CACNA1H: variants seen among roughly 807,000 people sequenced by gnomAD.
CACNA1H encodes the protein voltage-dependent T-type calcium channel subunit alpha-1H.
CACNA1H carries 149 observed loss-of-function variants against 192.5 expected under a neutral mutation model. That is an observed-to-expected ratio of 0.77 (90% CI 0.68 to 0.89). The LOEUF (loss-of-function observed/expected upper bound fraction) is 0.89. Among genes scored for constraint, CACNA1H ranks in the 40% least tolerant of loss-of-function variants. The probability of loss-of-function intolerance (pLI) is 0.00; values close to 1 mark genes in which losing one functional copy is unlikely to be tolerated. For missense variants in CACNA1H, 4,257 were observed against 3,423.5 expected, an observed-to-expected ratio of 1.24 and a Z score of -6.08; for synonymous variants, 2,202 against 1,475.2, an observed-to-expected ratio of 1.49 and a Z score of -11.29.
Position 1,211,286 on chromosome 16 carries a change from G to C in CACNA1H, c.4342G>C (p.Gly1448Arg), listed in dbSNP as rs1969415045. ...CAFFIIFGIL[G>R]VQLFKGKFYY... ...CTTCTTCATCATTTTTGGCATTTTGGGTGTGCAGGTGTGTGGCCCCCACGT... is the reference window on the plus strand; with the variant it reads ...CTTCTTCATCATTTTTGGCATTTTGCGTGTGCAGGTGTGTGGCCCCCACGT... Residue 1448 changes from glycine (G) to arginine (R), a missense_variant, in exon 22 of 35, where the codon GGT becomes CGT. By Grantham distance (125) the Gly-to-Arg change is moderately radical. Coordinates refer to ENST00000348261, the MANE Select transcript of CACNA1H (RefSeq NM_021098.3). The C allele has an allele frequency of 1.2e-6, 2 of 1,612,796 alleles. No homozygotes were observed. The highest frequency in any genetic ancestry group is 1.7e-6 in the Non-Finnish European group (2 of 1,179,700).
intron 27 of CACNA1H, 108 bp from the exon 28 acceptor site, chr16:1,214,864 G>A (rs1969873085): frequency 1.3e-6 from 1 of 766,792 alleles, no homozygotes; most frequent in Non-Finnish European, 2.2e-6. Context: ...GCTGACCTGG[G>A]AGCCTCCAGG....
Position 1,187,405 on chromosome 16 carries a change from G to A in CACNA1H, c.300-7567G>A, listed in dbSNP as rs1030738211. Among the ~76,000 whole-genome samples, 7 of 152,350 alleles carry A rather than the reference G, an allele frequency of 4.6e-5. No individual in the cohort carries two copies. The South Asian group carries it at 6.2e-4, about 14-fold the overall frequency. The stretch of plus-strand genomic sequence containing the variant: ...TGTGCCCTGCAAGGCATGGGGTCCT[G>A]AGTGGGGGGCTGTGGCCCACCTTGC... On this transcript the variant is annotated intron_variant, in intron 2 of 34. Coordinates refer to ENST00000348261, the MANE Select transcript of CACNA1H (RefSeq NM_021098.3).
rs1567556334 is a variant in CACNA1H at position 1,218,963 on chromosome 16, GC to G, written c.5888-3del. The G allele has an allele frequency of 1.3e-6, 2 of 1,549,810 alleles. No individual in the cohort carries two copies. The highest frequency in any genetic ancestry group is 3.9e-5 in the Admixed American group (2 of 50,986). ...GAGCTGCCAGCTTAGATTCTTCCCT[GC>G]CCCAGGCTCCGTTGCCTCTGTGCAC... On this transcript the variant is annotated splice_polypyrimidine_tract_variant and splice_region_variant and intron_variant, in intron 33 of 34. Coordinates refer to ENST00000348261, the MANE Select transcript of CACNA1H (RefSeq NM_021098.3).
chr16:1,201,033 G>T (rs1319830312), intron 8 of CACNA1H, among the ~76,000 whole-genome samples: 1 of 152,132 alleles, frequency 6.6e-6, no homozygotes, highest in East Asian at 1.9e-4. Flanking sequence ...CTGGCTCAGG[G>T]CTGAAGAGCC....
chr16:1,200,937 A>G, intron 8 of CACNA1H, 129 bp downstream of exon 8: 16 of 517,828 alleles, frequency 3.1e-5, no homozygotes, highest in East Asian at 3.6e-5. Context: ...CAGGGGAGGG[A>G]GGCAGAGCTT....
chr16:1,221,394 A>T lies in CACNA1H; in HGVS notation c.*400A>T. The T allele has an allele frequency of 3.3e-6, 1 of 305,128 alleles. No individual in the cohort carries two copies. Among genetic ancestry groups the T allele is most frequent in the Non-Finnish European group, 6.0e-6 (1 of 165,338 alleles). The allele number at this position is 305,128 out of a possible 1,614,324, so 18.9% of individuals were successfully genotyped here. On this transcript the variant is annotated 3_prime_UTR_variant, in exon 35 of 35. Coordinates refer to ENST00000348261, the MANE Select transcript of CACNA1H (RefSeq NM_021098.3). The stretch of plus-strand genomic sequence containing the variant: ...GGGGCCCTGTGCCCTTGCCGGCGGC[A>T]GGTTGCAGCCACCGCGGCCCAATGT...
intron 5 of CACNA1H, 90 bp downstream of exon 5, chr16:1,196,113 A>G: frequency 9.6e-7 from 1 of 1,038,742 alleles, no homozygotes; most frequent in Non-Finnish European, 1.5e-6. Context: ...CCAGGAGCAC[A>G]GGACTGGGAA....
At chr16:1,198,849 T>A in intron 6 of CACNA1H, 75 bp downstream of exon 6, 1 of 1,415,214 alleles carries the variant, frequency 7.1e-7, no homozygotes. Flanking sequence ...ACCATGTGGC[T>A]CCACCGCCCC....
chr16:1,194,864 C>A (rs965665387), intron 2 of CACNA1H, 108 bp from the exon 3 acceptor site: 14 of 796,530 alleles, frequency 1.8e-5, no homozygotes, highest in African/African-American at 1.7e-4. Flanking sequence ...GACACCCCCA[C>A]GCGCGCACAC....
chr16:1,169,904 G>A (rs1186508044), intron 2 of CACNA1H, among the ~76,000 whole-genome samples: 1 of 152,276 alleles, frequency 6.6e-6, no homozygotes, highest in African/African-American at 2.4e-5. Flanking sequence ...TGGGAAGCTC[G>A]GGTTTGGAGC....
chr16:1,174,541 G>A (rs1165930837), intron 2 of CACNA1H, among the ~76,000 whole-genome samples: 1 of 152,036 alleles, frequency 6.6e-6, no homozygotes, highest in Non-Finnish European at 1.5e-5. Flanking sequence ...GGAAGGATGG[G>A]GTCACTGTAG....
rs1415182945 is a variant in CACNA1H, at chr16:1,217,914, C to A, written c.5324-5C>A. The A allele has an allele frequency of 3.1e-6, 5 of 1,598,376 alleles. No individual in the cohort carries two copies. The highest frequency in any genetic ancestry group is 2.3e-5 in the South Asian group (2 of 88,654). ...GCTGACCGGGCGGGGTCTCCCTCCC[C>A]GCAGAGTGCAGTGAAGACAACCCCT... On this transcript the variant is annotated splice_region_variant and splice_polypyrimidine_tract_variant and intron_variant, in intron 31 of 34. Transcript: ENST00000348261.
chr16:1,171,606 C>T (rs1964375300), intron 2 of CACNA1H, among the ~76,000 whole-genome samples: 1 of 152,336 alleles, frequency 6.6e-6, no homozygotes, highest in African/African-American at 2.4e-5. Context: ...CGGCTTTTGT[C>T]CCTCGGAGCT....
intron 2 of CACNA1H, among the ~76,000 whole-genome samples, chr16:1,177,525 C>T (rs570632329): frequency 5.0e-4 from 76 of 152,242 alleles, no homozygotes; most frequent in Admixed American, 2.4e-3. Flanking sequence ...GAGAGTGGAA[C>T]GAGCTCCAAG....
rs77338319 is a variant in CACNA1H at position 1,203,328 on chromosome 16, C to G, written c.2003-682C>G. ...TGGAGTAACCATGGTTTGCTCGCAT[C>G]GAGTCAAACAGAATCCCGTAGCTAA... On this transcript the variant is annotated intron_variant, in intron 9 of 34. Coordinates refer to ENST00000348261, the MANE Select transcript of CACNA1H (RefSeq NM_021098.3). Among the ~76,000 whole-genome samples the G allele has an allele frequency of 1.2e-3, 176 of 152,266 alleles. 5 individuals are homozygous for G. The East Asian group carries it at 0.029, about 25-fold the overall frequency.
At chr16:1,209,648 G>T (rs1045986362) in intron 17 of CACNA1H, among the ~76,000 whole-genome samples, 1 of 152,236 alleles carries the variant, frequency 6.6e-6, no homozygotes, top group African/African-American at 2.4e-5. Flanking sequence ...TCCACGCACG[G>T]CCTGCATACG....
intron 5 of CACNA1H, 142 bp from the exon 6 acceptor site, chr16:1,198,473 G>C: frequency 2.4e-6 from 2 of 831,712 alleles, no homozygotes; most frequent in South Asian, 3.2e-5. Context: ...AAATCACCAG[G>C]GGGTGGCCCG....
chr16:1,214,572 C>T (rs1969840786), intron 27 of CACNA1H, among the ~76,000 whole-genome samples: 2 of 152,068 alleles, frequency 1.3e-5, no homozygotes, highest in Non-Finnish European at 1.5e-5. Flanking sequence ...CAGAGTTGGG[C>T]CCTGTGAGCC....
Position 1,208,155 on chromosome 16 carries a change from C to G in CACNA1H, c.3297C>G (p.Ser1099Arg), listed in dbSNP as rs900247817. 6.3e-7 allele frequency: 1 copy of G among 1,578,568 alleles called. No homozygotes were observed. The highest frequency in any genetic ancestry group is 1.4e-5 in the African/African-American group (1 of 73,844). ...KSSPFLDAAP[S>R]LPDSRRGSSS... The stretch of plus-strand genomic sequence containing the variant: ...CACCATTCCTGGATGCAGCCCCCAG[C>G]CTCCCAGACTCTCGGCGTGGCAGCA... Residue 1099 changes from serine to arginine, a missense_variant, in exon 16 of 35, where the codon AGC becomes AGG. Coordinates refer to ENST00000348261, the MANE Select transcript of CACNA1H (RefSeq NM_021098.3).
Sources: allele counts gnomAD v4.1 joint callset (sites outside exome capture counted in the v4.1 genomes callset), GRCh38; gene constraint gnomAD v4.1.1; transcripts MANE v1.5; gene names NCBI Gene and HGNC (gene_info 2026-07-23, HGNC 2026-07-21).